The following HS2ST1 variants were observed in gnomAD, a reference collection of about 807,000 sequenced individuals.
The protein encoded by HS2ST1 is 2-O-sulfotransferase.
In HS2ST1, 18 loss-of-function variants were observed where a neutral mutation model predicts 42.9. That is an observed-to-expected ratio of 0.42 (90% CI 0.29 to 0.62). The LOEUF (loss-of-function observed/expected upper bound fraction) is 0.62, where lower values mean the gene tolerates loss of function less well. Ranked by LOEUF, HS2ST1 falls within the 20% of genes least tolerant of loss-of-function variation. The pLI, the probability that HS2ST1 is intolerant of heterozygous loss-of-function variation, is 0.21. For missense variants in HS2ST1, 334 were observed against 433.8 expected (o/e 0.77, Z 2.04); for synonymous variants, 146 against 152.9 (o/e 0.95, Z 0.33).
At chr1:86,963,755 C>A (rs865794815) in intron 1 of HS2ST1, among the ~76,000 whole-genome samples, 54 of 123,554 alleles carry the variant, frequency 4.4e-4, no homozygotes, top group Non-Finnish European at 8.0e-4. Flanking sequence ...CCCCCCCCCC[C>A]ACCTCCCGGA....
Position 86,961,346 on chromosome 1 carries a change from T to C in HS2ST1, c.124+46186T>C, listed in dbSNP as rs915545222. 5.3e-5 allele frequency among the ~76,000 whole-genome samples: 8 copies of C among 152,174 alleles called. No individual in the cohort carries two copies. In the South Asian group the frequency reaches 8.3e-4, roughly 16 times the overall value. On this transcript the variant is annotated intron_variant, in intron 1 of 6. Coordinates refer to ENST00000370550, the MANE Select transcript of HS2ST1 (RefSeq NM_012262.4). ...AGAAATCAAGGGAAAACATATACTA[T>C]GATGAAATTTTACTATATTGTTTAA...
intron 1 of HS2ST1, among the ~76,000 whole-genome samples, chr1:87,021,533 G>A (rs1649951876): frequency 6.6e-6 from 1 of 152,030 alleles, no homozygotes; most frequent in African/African-American, 2.4e-5. Flanking sequence ...TATTTATTTT[G>A]AGACAAGATT....
At chr1:87,098,747 T>C (rs1652129409) in intron 5 of HS2ST1, among the ~76,000 whole-genome samples, 1 of 152,220 alleles carries the variant, frequency 6.6e-6, no homozygotes, top group Non-Finnish European at 1.5e-5. Context: ...AACTACAGGT[T>C]GTATCCTGCA....
intron 1 of HS2ST1, among the ~76,000 whole-genome samples, chr1:86,931,256 G>A (rs549095423): frequency 6.6e-6 from 1 of 152,126 alleles, no homozygotes; most frequent in South Asian, 2.1e-4. Flanking sequence ...AAAAAGAGTT[G>A]AAGAGATACA....
chr1:87,057,059 A>G (rs1251367073), intron 1 of HS2ST1, among the ~76,000 whole-genome samples: 1 of 152,240 alleles, frequency 6.6e-6, no homozygotes, highest in Non-Finnish European at 1.5e-5. Context: ...GCAGATATGA[A>G]AATCCAGTTG....
At chr1:87,057,960 C>G (rs1651019885) in intron 1 of HS2ST1, among the ~76,000 whole-genome samples, 1 of 151,642 alleles carries the variant, frequency 6.6e-6, no homozygotes, top group African/African-American at 2.4e-5. Context: ...AGTAGGCATC[C>G]TACTCCCTTC....
At chr1:86,974,636 C>T (rs971522249) in intron 1 of HS2ST1, among the ~76,000 whole-genome samples, 2 of 152,140 alleles carry the variant, frequency 1.3e-5, no homozygotes, top group Non-Finnish European at 1.5e-5. Flanking sequence ...GGGACTGAAC[C>T]TTTAAGCTGT....
At chr1:87,088,826 A>G (rs927505391) in intron 3 of HS2ST1, among the ~76,000 whole-genome samples, 1 of 151,986 alleles carries the variant, frequency 6.6e-6, no homozygotes, top group Admixed American at 6.6e-5. Context: ...TATTTACACT[A>G]TCATCAGTGA....
At chr1:86,971,224 G>A (rs1648222994) in intron 1 of HS2ST1, among the ~76,000 whole-genome samples, 1 of 152,086 alleles carries the variant, frequency 6.6e-6, no homozygotes. Context: ...GCATCCAAGA[G>A]GGAAGGTCTA....
At chr1:86,924,843 C>T (rs1006927427) in intron 1 of HS2ST1, among the ~76,000 whole-genome samples, 5 of 152,182 alleles carry the variant, frequency 3.3e-5, no homozygotes, top group Non-Finnish European at 5.9e-5. Context: ...GCCTTGGAGA[C>T]ATTTTCCCCA....
At chr1:87,012,433 TCAGATCTCGTGAGACTTATACAC>T (rs1649627880) in intron 1 of HS2ST1, among the ~76,000 whole-genome samples, 1 of 152,004 alleles carries the variant, frequency 6.6e-6, no homozygotes, top group Non-Finnish European at 1.5e-5. Context: ...AATAAAACAA[TCAGATCTCGTGAGACTTATACAC>T]TATCATGAGA....
intron 1 of HS2ST1, among the ~76,000 whole-genome samples, chr1:86,961,415 T>A (rs934403327): frequency 5.3e-5 from 8 of 151,980 alleles, no homozygotes; most frequent in Non-Finnish European, 1.0e-4. Context: ...CAAGAAAAGC[T>A]AAGAAATGAT....
At chr1:86,946,521 A>G (rs1276356345) in intron 1 of HS2ST1, among the ~76,000 whole-genome samples, 1 of 152,236 alleles carries the variant, frequency 6.6e-6, no homozygotes, top group Non-Finnish European at 1.5e-5. Flanking sequence ...TGCCTGAAGT[A>G]ATGGTCTTAG....
At chr1:86,957,519 T>C (rs1647708177) in intron 1 of HS2ST1, among the ~76,000 whole-genome samples, 1 of 152,214 alleles carries the variant, frequency 6.6e-6, no homozygotes, top group Admixed American at 6.5e-5. Context: ...TTTACTTCTC[T>C]TTTTACTTCC....
intron 1 of HS2ST1, among the ~76,000 whole-genome samples, chr1:86,948,083 A>G (rs1647390114): frequency 6.6e-6 from 1 of 152,026 alleles, no homozygotes; most frequent in African/African-American, 2.4e-5. Context: ...TGTGCTTACC[A>G]TATATGAAGC....
At chr1:87,003,709 CT>C (rs5775929) in intron 1 of HS2ST1, among the ~76,000 whole-genome samples, 112,457 of 151,542 alleles carry the variant, frequency 0.74, 42,550 homozygotes, top group East Asian at 0.97. Flanking sequence ...GATGTACAGA[CT>C]TTTTTTTTTC....
At chr1:86,928,565 GGATGTTCC>G (rs1362659890) in intron 1 of HS2ST1, among the ~76,000 whole-genome samples, 1 of 151,934 alleles carries the variant, frequency 6.6e-6, no homozygotes, top group East Asian at 1.9e-4. Context: ...ATTAACTGTT[GGATGTTCC>G]CAGAATGTTA....
intron 1 of HS2ST1, among the ~76,000 whole-genome samples, chr1:86,939,445 A>G (rs1416309761): frequency 1.3e-5 from 2 of 152,262 alleles, no homozygotes; most frequent in Non-Finnish European, 2.9e-5. Context: ...CAAAAAAAGT[A>G]GATACTACTT....
chr1:86,959,215 A>G (rs1399458792), intron 1 of HS2ST1, among the ~76,000 whole-genome samples: 1 of 152,252 alleles, frequency 6.6e-6, no homozygotes, highest in East Asian at 1.9e-4. Context: ...CTTCAGCATC[A>G]TCCTGGAAGT....
Sources: allele counts gnomAD v4.1 joint callset (sites outside exome capture counted in the v4.1 genomes callset), GRCh38; gene constraint gnomAD v4.1.1; transcripts MANE v1.5; gene names NCBI Gene and HGNC (gene_info 2026-07-23, HGNC 2026-07-21).